The following NTM variants were observed in gnomAD, a reference collection of about 807,000 sequenced individuals.
NTM encodes neurotrimin, also known as IgLON family member 2.
A neutral mutation model predicts 42.1 loss-of-function variants in NTM; 13 were observed. That is an observed-to-expected ratio of 0.31 (90% CI 0.20 to 0.49). The LOEUF is 0.49. Among genes scored for constraint, NTM ranks in the 20% least tolerant of loss-of-function variants. The pLI is 0.99. For synonymous variants in NTM, 187 were observed against 179.2 expected (o/e 1.04, Z -0.35); for missense variants, 373 against 452.8 (o/e 0.82, Z 1.60).
intron 1 of NTM, among the ~76,000 whole-genome samples, chr11:131,403,193 T>A (rs1315851402): frequency 6.6e-6 from 1 of 152,132 alleles, no homozygotes; most frequent in Non-Finnish European, 1.5e-5. Context: ...GCTGGAGGTG[T>A]CCCTAGTAGT....
intron 4 of NTM, among the ~76,000 whole-genome samples, chr11:132,231,611 A>T (rs2087568263): frequency 6.6e-6 from 1 of 152,172 alleles, no homozygotes; most frequent in Admixed American, 6.5e-5. Flanking sequence ...TCTATTCTAA[A>T]AGGGCATTTT....
At chr11:131,563,338 A>T (rs73580260) in intron 1 of NTM, among the ~76,000 whole-genome samples, 1 of 152,250 alleles carries the variant, frequency 6.6e-6, no homozygotes, top group African/African-American at 2.4e-5. Context: ...GTGGGAAAAA[A>T]AATTACCATT....
At chr11:132,311,179 G>A (rs952841252) in intron 6 of NTM, among the ~76,000 whole-genome samples, 7 of 152,144 alleles carry the variant, frequency 4.6e-5, no homozygotes, top group Non-Finnish European at 8.8e-5. Context: ...CTGTGTGCAC[G>A]TCTTCAGCCA....
intron 2 of NTM, among the ~76,000 whole-genome samples, chr11:132,063,415 A>G (rs1309869943): frequency 6.6e-6 from 1 of 152,210 alleles, no homozygotes; most frequent in Admixed American, 6.5e-5. Flanking sequence ...GGAAATGGGA[A>G]GGCCCTGAAA....
chr11:131,389,443 C>T (rs922853084), intron 1 of NTM, among the ~76,000 whole-genome samples: 3 of 152,000 alleles, frequency 2.0e-5, no homozygotes, highest in East Asian at 1.9e-4. Flanking sequence ...ATTTATCATT[C>T]GCCTTGGTGG....
intron 1 of NTM, among the ~76,000 whole-genome samples, chr11:131,797,178 C>A (rs1393100280): frequency 1.3e-5 from 2 of 152,174 alleles, no homozygotes; most frequent in African/African-American, 4.8e-5. Context: ...TTATTAGAAA[C>A]TAGTGAGGTA....
chr11:131,727,405 G>A (rs950381764), intron 1 of NTM, among the ~76,000 whole-genome samples: 1 of 152,164 alleles, frequency 6.6e-6, no homozygotes, highest in Non-Finnish European at 1.5e-5. Context: ...AACAGCTGCT[G>A]GGACAGCTAC....
intron 2 of NTM, among the ~76,000 whole-genome samples, chr11:131,949,146 C>T (rs754216153): frequency 6.6e-6 from 1 of 152,220 alleles, no homozygotes; most frequent in Non-Finnish European, 1.5e-5. Context: ...CGTGTCGTCA[C>T]ATATGGCAGA....
chr11:131,520,099 T>C (rs1222628093), intron 1 of NTM, among the ~76,000 whole-genome samples: 1 of 152,234 alleles, frequency 6.6e-6, no homozygotes, highest in Non-Finnish European at 1.5e-5. Flanking sequence ...CTTCAACTTC[T>C]ATCGTCGTCA....
chr11:131,916,032 G>C (rs1294473564), intron 2 of NTM, among the ~76,000 whole-genome samples: 1 of 152,218 alleles, frequency 6.6e-6, no homozygotes. Context: ...GGGTCCAACT[G>C]GAAAAGCTGG....
At chr11:131,785,751 A>T (rs553624054) in intron 1 of NTM, among the ~76,000 whole-genome samples, 1 of 152,214 alleles carries the variant, frequency 6.6e-6, no homozygotes, top group South Asian at 2.1e-4. Flanking sequence ...GGTTACGGTA[A>T]TTTTTTAATC....
chr11:131,508,669 A>C (rs933013117), intron 1 of NTM, among the ~76,000 whole-genome samples: 11 of 151,272 alleles, frequency 7.3e-5, no homozygotes, highest in East Asian at 1.9e-4. Context: ...GATGAAGAAA[A>C]TGTGGCACAT....
chr11:131,587,694 G>A (rs554734607), intron 1 of NTM, among the ~76,000 whole-genome samples: 1 of 152,256 alleles, frequency 6.6e-6, no homozygotes, highest in East Asian at 1.9e-4. Context: ...CTGCATGAGT[G>A]GAATTGTATC....
chr11:131,886,083 TAC>T (rs1004142195), intron 1 of NTM, among the ~76,000 whole-genome samples: 4 of 152,128 alleles, frequency 2.6e-5, no homozygotes, highest in African/African-American at 7.2e-5. Flanking sequence ...TGCCAACCAG[TAC>T]AGTTTCAACC....
At chr11:132,171,531 C>T (rs902410101) in intron 3 of NTM, among the ~76,000 whole-genome samples, 21 of 152,222 alleles carry the variant, frequency 1.4e-4, no homozygotes, top group African/African-American at 5.1e-4. Context: ...CAAAGCTTTG[C>T]CCTCATAACT....
At chr11:131,514,965 A>C (rs1054208311) in intron 1 of NTM, among the ~76,000 whole-genome samples, 1 of 152,138 alleles carries the variant, frequency 6.6e-6, no homozygotes, top group African/African-American at 2.4e-5. Flanking sequence ...GCTGGAGTGC[A>C]TGGCATGATC....
At chr11:132,194,922 A>G (rs1020728253) in intron 3 of NTM, among the ~76,000 whole-genome samples, 8 of 147,486 alleles carry the variant, frequency 5.4e-5, no homozygotes, top group Admixed American at 1.4e-4. Flanking sequence ...TCCCAGTTTC[A>G]AGTGATTCTT....
chr11:132,056,571 G>A (rs1049113622), intron 2 of NTM, among the ~76,000 whole-genome samples: 10 of 152,156 alleles, frequency 6.6e-5, no homozygotes, highest in East Asian at 1.9e-4. Context: ...GAATGAATAC[G>A]TCAATGAATG....
chr11:131,838,991 C>T (rs192082842), intron 1 of NTM, among the ~76,000 whole-genome samples: 4 of 149,150 alleles, frequency 2.7e-5, no homozygotes, highest in East Asian at 2.0e-4. Context: ...GATGGAGTCT[C>T]GCACTGTCAC....
Sources: gnomAD v4.1 joint callset for allele counts (sites outside exome capture counted in the v4.1 genomes callset) on GRCh38, gnomAD v4.1.1 for gene constraint, MANE v1.5 for transcripts, NCBI Gene and HGNC (gene_info 2026-07-23, HGNC 2026-07-21) for gene names.